The following IL17RD variants were observed in gnomAD, a reference collection of about 807,000 sequenced individuals.
IL17RD encodes the protein interleukin 17 receptor D.
IL17RD carries 52 observed loss-of-function variants against 80.5 expected under a neutral mutation model. The observed-to-expected ratio is 0.65, with a 90% confidence interval of 0.52 to 0.81. The LOEUF is 0.81. Ranked by LOEUF, IL17RD falls within the 40% of genes least tolerant of loss-of-function variation. The probability of loss-of-function intolerance (pLI) is 0.00; values close to 1 mark genes in which losing one functional copy is unlikely to be tolerated. For synonymous variants in IL17RD, 416 were observed against 391.8 expected (o/e 1.06, Z -0.73); for missense variants, 1,024 against 955.1 (o/e 1.07, Z -0.95).
At chr3:57,103,525 C>T (rs1706885187) in intron 8 of IL17RD, among the ~76,000 whole-genome samples, 1 of 152,194 alleles carries the variant, frequency 6.6e-6, no homozygotes. Context: ...TCAAAAACCA[C>T]ACACTGCTTC....
intron 1 of IL17RD, among the ~76,000 whole-genome samples, chr3:57,121,484 C>T (rs1487984526): frequency 6.6e-6 from 1 of 152,142 alleles, no homozygotes; most frequent in African/African-American, 2.4e-5. Flanking sequence ...ACACACCACC[C>T]ACCCCCCACT....
In IL17RD at chr3:57,094,719, CAT is replaced by C. The variant is rs946059861; in HGVS notation, c.*1672_*1673del. On this transcript the variant is annotated 3_prime_UTR_variant, in exon 13 of 13. Transcript: ENST00000296318. The stretch of plus-strand genomic sequence containing the variant: ...GCCTAGGATGAAATGGCGGGGCAGT[CAT>C]GTGTGGGTAGGAGCTCTGCACTCAT... The C allele has an allele frequency of 6.6e-6, 1 of 152,144 alleles. No homozygotes were observed. Among genetic ancestry groups the C allele is most frequent in the African/African-American group, 2.4e-5 (1 of 41,428 alleles). 9.4% of individuals were successfully genotyped at this position (152,144 alleles called of 1,614,324 possible). A position where few individuals can be genotyped will look rare whatever the true frequency, so the allele number is the denominator to read the frequency against.
intron 1 of IL17RD, among the ~76,000 whole-genome samples, chr3:57,162,618 A>T (rs2060313591): frequency 6.6e-6 from 1 of 152,170 alleles, no homozygotes; most frequent in Non-Finnish European, 1.5e-5. Flanking sequence ...CAGAGGTGTA[A>T]AGGAACACAG....
At chr3:57,110,475 G>C (rs564396724) in intron 3 of IL17RD, among the ~76,000 whole-genome samples, 164 bp from the exon 4 acceptor site, 1 of 152,238 alleles carries the variant, frequency 6.6e-6, no homozygotes, top group African/African-American at 2.4e-5. Flanking sequence ...CACACCCCCT[G>C]CATTCCTCTG....
rs1464759168 is a variant in IL17RD at position 57,114,147 on chromosome 3, G to T, written c.310+545C>A. Among the ~76,000 whole-genome samples, 67 of 150,600 alleles carry T rather than the reference G, an allele frequency of 4.4e-4. 1 individual carries two copies. The highest frequency in any genetic ancestry group is 4.4e-3 in the Admixed American group (66 of 15,134). On this transcript the variant is annotated intron_variant, in intron 3 of 12. Coordinates refer to ENST00000296318, the MANE Select transcript of IL17RD (RefSeq NM_017563.5). The stretch of plus-strand genomic sequence containing the variant: ...TGCAGTGAGCCGAGATCGCACCATT[G>T]CACTCCAGCCTGGGTGAAAGAGCGA...
chr3:57,157,739 A>T (rs2060278131), intron 1 of IL17RD, among the ~76,000 whole-genome samples: 1 of 152,244 alleles, frequency 6.6e-6, no homozygotes, highest in African/African-American at 2.4e-5. Context: ...AATCACCCGG[A>T]CAGAATAAAA....
intron 11 of IL17RD, 30 bp downstream of exon 11, chr3:57,101,149 G>C: frequency 6.3e-7 from 1 of 1,596,060 alleles, no homozygotes; most frequent in Non-Finnish European, 8.6e-7. Context: ...GTCCTGGCCA[G>C]GGTAGGAGAA....
intron 1 of IL17RD, among the ~76,000 whole-genome samples, chr3:57,158,973 G>A (rs1161928418): frequency 6.6e-6 from 1 of 152,076 alleles, no homozygotes; most frequent in African/African-American, 2.4e-5. Context: ...AAAGCAGCAG[G>A]GTGTGGTTTT....
Position 57,098,446 on chromosome 3 carries a change from A to C in IL17RD, c.1257T>G (p.Ile419Met). The change falls in exon 12 of 13, where the codon ATT (isoleucine) becomes ATG (methionine). Residue 419 changes from isoleucine (I) to methionine (M), a missense_variant. Ile to Met is a conservative substitution (Grantham distance 10). Coordinates refer to ENST00000296318, the MANE Select transcript of IL17RD (RefSeq NM_017563.5). ...ACTTCATACCTTTGGAACAAACCAC[A>C]ATGATGAACTGGGACTCGTGGATCT... ...IQKIHESQFI[I>M]VVCSKGMKYF... is the part of the protein sequence containing the mutation. 1 of 1,613,964 alleles carries C rather than the reference A, an allele frequency of 6.2e-7. No individual in the cohort carries two copies. Among genetic ancestry groups the C allele is most frequent in the Non-Finnish European group, 8.5e-7 (1 of 1,179,874 alleles).
intron 1 of IL17RD, among the ~76,000 whole-genome samples, chr3:57,161,015 C>T (rs564693090): frequency 1.3e-5 from 2 of 152,190 alleles, no homozygotes; most frequent in East Asian, 3.9e-4. Flanking sequence ...ACTGCAGGGG[C>T]TTGGGGTTGG....
intron 1 of IL17RD, among the ~76,000 whole-genome samples, chr3:57,160,595 T>A (rs1203492289): frequency 6.6e-6 from 1 of 152,034 alleles, no homozygotes; most frequent in Non-Finnish European, 1.5e-5. Flanking sequence ...GCTCCTCCCA[T>A]CCTCACACTC....
At chr3:57,131,736 T>C (rs895656434) in intron 1 of IL17RD, among the ~76,000 whole-genome samples, 1 of 152,236 alleles carries the variant, frequency 6.6e-6, no homozygotes, top group African/African-American at 2.4e-5. Flanking sequence ...GGTGCATGTG[T>C]GCACACACAT....
At chr3:57,138,064 T>C (rs1707761637) in intron 1 of IL17RD, among the ~76,000 whole-genome samples, 1 of 152,162 alleles carries the variant, frequency 6.6e-6, no homozygotes, top group Admixed American at 6.5e-5. Flanking sequence ...GTCAAATTCA[T>C]AGAGACATGA....
chr3:57,128,335 C>T (rs766582439), intron 1 of IL17RD, among the ~76,000 whole-genome samples: 9 of 152,136 alleles, frequency 5.9e-5, no homozygotes, highest in Non-Finnish European at 1.2e-4. Flanking sequence ...AGACCAAAGC[C>T]GTAATCGTGA....
intron 1 of IL17RD, among the ~76,000 whole-genome samples, chr3:57,130,328 C>T (rs1373120482): frequency 6.6e-6 from 1 of 152,176 alleles, no homozygotes; most frequent in South Asian, 2.1e-4. Flanking sequence ...CTTGGCTTTG[C>T]CAGTTCCCTG....
At chr3:57,117,996 T>C (rs1483082413) in intron 2 of IL17RD, among the ~76,000 whole-genome samples, 5 of 152,180 alleles carry the variant, frequency 3.3e-5, no homozygotes, top group African/African-American at 1.2e-4. Flanking sequence ...AACAGCAAGA[T>C]ACTTTAAAGT....
chr3:57,139,536 C>T (rs1251715935), intron 1 of IL17RD, among the ~76,000 whole-genome samples: 5 of 137,916 alleles, frequency 3.6e-5, no homozygotes, highest in Admixed American at 7.6e-5. Context: ...TTTTTTGAGA[C>T]GGGGTCTTGC....
chr3:57,163,946 A>C (rs900486561), intron 1 of IL17RD, among the ~76,000 whole-genome samples: 2 of 152,074 alleles, frequency 1.3e-5, no homozygotes, highest in Admixed American at 6.5e-5. Flanking sequence ...GTGAGCTTGG[A>C]GGCACCAGCC....
At chr3:57,118,497 G>T (rs1707265048) in intron 2 of IL17RD, among the ~76,000 whole-genome samples, 1 of 152,162 alleles carries the variant, frequency 6.6e-6, no homozygotes, top group Admixed American at 6.5e-5. Flanking sequence ...TTAATCAGAT[G>T]CCAGACGTCA....
Sources: allele counts gnomAD v4.1 joint callset (sites outside exome capture counted in the v4.1 genomes callset), GRCh38; gene constraint gnomAD v4.1.1; transcripts MANE v1.5; gene names NCBI Gene and HGNC (gene_info 2026-07-23, HGNC 2026-07-21).